The following ACRBP variants were observed in gnomAD, a reference collection of about 807,000 sequenced individuals.
ACRBP encodes the protein acrosin binding protein.
ACRBP carries 52 observed loss-of-function variants against 69.0 expected under a neutral mutation model. The ratio of observed to expected loss-of-function variants is 0.75; its 90% CI spans 0.60 to 0.95. The LOEUF (loss-of-function observed/expected upper bound fraction) is 0.95. Ranked by LOEUF, ACRBP falls within the 40% of genes least tolerant of loss-of-function variation. The probability of loss-of-function intolerance (pLI) is 0.00; values close to 1 mark genes in which losing one functional copy is unlikely to be tolerated. For synonymous variants in ACRBP, 267 were observed against 258.9 expected, an observed-to-expected ratio of 1.03 and a Z score of -0.30; for missense variants, 604 against 673.0, an observed-to-expected ratio of 0.90 and a Z score of 1.13.
At chr12:6,638,755 G>A in intron 9 of ACRBP, 199 bp downstream of exon 9, 7 of 1,436,810 alleles carry the variant, frequency 4.9e-6, no homozygotes, top group South Asian at 1.5e-5. Flanking sequence ...TTATCCACCA[G>A]CTGCCTAGGA....
At position 6,638,338 on chromosome 12, in the gene ACRBP, C is replaced by A; in HGVS notation, c.1576G>T (p.Val526Phe). ...SALSPGKSED[V>F]VLRWSQEFST... ...AACTCCTGGCTCCATCGAAGCACAA[C>A]GTCCTCACTTTTGCCAGGGCTCAGC... The change falls in exon 10 of 10, where the codon GTT becomes TTT. Residue 526 changes from valine (V) to phenylalanine (F), a missense_variant. Val to Phe is a conservative substitution (Grantham distance 50). Coordinates refer to ENST00000229243, the MANE Select transcript of ACRBP (RefSeq NM_032489.3). 1.2e-6 allele frequency: 2 copies of A among 1,614,124 alleles called. No individual in the cohort carries two copies. The highest frequency in any genetic ancestry group is 1.7e-6 in the Non-Finnish European group (2 of 1,180,034).
Position 6,638,352 on chromosome 12 carries a change from C to T in ACRBP, c.1562G>A (p.Gly521Asp), listed in dbSNP as rs1313167653. 6 of 1,613,986 alleles carry T rather than the reference C, an allele frequency of 3.7e-6. No individual in the cohort carries two copies. The highest frequency in any genetic ancestry group is 5.1e-6 in the Non-Finnish European group (6 of 1,180,040). Residue 521 changes from glycine to aspartate, a missense_variant, in exon 10 of 10, where the codon GGC becomes GAC. Gly to Asp is a moderately conservative substitution (Grantham distance 94). Coordinates refer to ENST00000229243, the MANE Select transcript of ACRBP (RefSeq NM_032489.3). ...QNETYSALSP[G>D]KSEDVVLRWS... ...TCGAAGCACAACGTCCTCACTTTTG[C>T]CAGGGCTCAGCGCACTGTAAGTCTC...
At position 6,638,428 on chromosome 12, in the gene ACRBP, G is replaced by A. The variant is rs749931586; in HGVS notation, c.1510-24C>T. 26 of 1,613,478 alleles carry A rather than the reference G, an allele frequency of 1.6e-5. No individual in the cohort carries two copies. The East Asian group carries it at 2.7e-4, about 17-fold the overall frequency. Reference sequence around the variant, plus strand: ...ACCTACACAGAGATTCAGTGCAGACGGTCTGTATCACAGAGCCAGGTGCCA... The same window carrying A: ...ACCTACACAGAGATTCAGTGCAGACAGTCTGTATCACAGAGCCAGGTGCCA... On this transcript the variant is annotated intron_variant, in intron 9 of 9. Transcript: ENST00000229243.
Position 6,646,529 on chromosome 12 carries a change from C to T in ACRBP, c.311G>A (p.Cys104Tyr). 1 of 1,613,996 alleles carries T rather than the reference C, an allele frequency of 6.2e-7. No homozygotes were observed. The highest frequency in any genetic ancestry group is 1.7e-5 in the Admixed American group (1 of 59,996). ...GGAGCAACGGTAGTGAGTGAACTGG[C>T]AGAAAGACTCAAACCAGGAGGCATA... ...LPYASWFESF[C>Y]QFTHYRCSNH... is the part of the protein sequence containing the mutation. Residue 104 changes from cysteine (C) to tyrosine (Y), a missense_variant, in exon 3 of 10, where the codon TGC becomes TAC. Physicochemically the swap from Cys to Tyr is radical, Grantham distance 194 (BLOSUM62 -2). Coordinates refer to ENST00000229243, the MANE Select transcript of ACRBP (RefSeq NM_032489.3).
At chr12:6,645,118 G>A (rs1311349646) in intron 4 of ACRBP, 102 bp downstream of exon 4, 13 of 930,472 alleles carry the variant, frequency 1.4e-5, no homozygotes, top group South Asian at 4.9e-5. Context: ...CCCCCTTCCC[G>A]CCCAACATGC....
rs766170115 is a variant in ACRBP, at chr12:6,644,168, TCTC to T, written c.910_912del (p.Glu304del). The T allele has an allele frequency of 1.2e-5, 19 of 1,603,642 alleles. No individual in the cohort carries two copies. In the South Asian group the frequency reaches 2.1e-4, roughly 18 times the overall value. On this transcript the variant is annotated inframe_deletion, in exon 5 of 10. Coordinates refer to ENST00000229243, the MANE Select transcript of ACRBP (RefSeq NM_032489.3). ...GGGTTTTGGTTTCTCCAGTAGGAGT[TCTC>T]ATCATATATTTCATTCATTTCATCT... is the stretch of plus-strand genomic sequence containing the variant.
In ACRBP at chr12:6,638,965, G is replaced by T; in HGVS notation, c.1498C>A (p.Arg500Ser). The change falls in exon 9 of 10, where the codon CGC becomes AGC. Residue 500 changes from arginine (R) to serine (S), a missense_variant. Physicochemically the swap from Arg to Ser is moderately radical, Grantham distance 110. This residue lies in a region of ACRBP where 51 missense variants were observed against 60.1 expected (regional missense o/e 0.85). Transcript: ENST00000229243. ...GCAGGGGTGCTCACCTTCCGATTGC[G>T]GTTTCTCATCAGACACTGCTGGCTT... is the stretch of plus-strand genomic sequence containing the variant. ...FKSQQCLMRNRNRKVSRMRCL... is the reference protein window; with the variant it reads ...FKSQQCLMRNSNRKVSRMRCL... 1.2e-6 allele frequency: 2 copies of T among 1,614,040 alleles called. No homozygotes were observed. The highest frequency in any genetic ancestry group is 1.7e-6 in the Non-Finnish European group (2 of 1,179,958).
In ACRBP at chr12:6,640,998, C is replaced by G. The variant is rs984228716; in HGVS notation, c.1078-476G>C. On this transcript the variant is annotated intron_variant, in intron 6 of 9. Transcript: ENST00000229243. The surrounding 1 kb of genome is among the most constrained non-coding windows in gnomAD (Gnocchi z 5.3). ...ATGCTCTCATTTCATTTAGTTTTCA[C>G]GACAACCCTATAACAGCAGAGATAC... 1.3e-5 allele frequency among the ~76,000 whole-genome samples: 2 copies of G among 152,204 alleles called. No homozygotes were observed. The highest frequency in any genetic ancestry group is 2.9e-5 in the Non-Finnish European group (2 of 68,036).
chr12:6,643,722 G>T, intron 5 of ACRBP, 51 bp from the exon 6 acceptor site: 14 of 1,600,818 alleles, frequency 8.7e-6, no homozygotes, highest in Non-Finnish European at 1.2e-5. Flanking sequence ...GCCCGGGCAG[G>T]AAACTACATC....
chr12:6,645,664 TTG>T (rs1332756778), intron 3 of ACRBP, among the ~76,000 whole-genome samples: 41 of 26,400 alleles, frequency 1.6e-3, no homozygotes, highest in Non-Finnish European at 1.5e-3. Context: ...TTTGTTTTTT[TTG>T]TTTTTTTTTT....
intron 2 of ACRBP, 95 bp from the exon 3 acceptor site, chr12:6,646,672 A>G: frequency 6.6e-7 from 1 of 1,506,528 alleles, no homozygotes; most frequent in Non-Finnish European, 9.2e-7. Flanking sequence ...GGTGGAGAGT[A>G]CGAGCTCATG....
rs373672314 is a variant in ACRBP at position 6,640,376 on chromosome 12, C to A, written c.1224G>T (p.Leu408Phe). The stretch of plus-strand genomic sequence containing the variant: ...CGATGGACAGGCTCTGGGAGGCAAG[C>A]AAGGGGCTGACAAAGGGAGTCTTGT... ...TSHKTPFVSPLLASQSLSIGN... is the reference protein window; with the variant it reads ...TSHKTPFVSPFLASQSLSIGN... Residue 408 changes from leucine (L) to phenylalanine (F), a missense_variant, in exon 7 of 10, where the codon TTG becomes TTT. Physicochemically the swap from Leu to Phe is conservative, Grantham distance 22. Transcript: ENST00000229243. The surrounding 1 kb of genome is among the most constrained non-coding windows in gnomAD (Gnocchi z 5.3). The A allele has an allele frequency of 6.8e-6, 11 of 1,614,172 alleles. No individual in the cohort carries two copies. The Admixed American group carries it at 8.3e-5, about 12-fold the overall frequency.
At chr12:6,645,630 A>G (rs1327325480) in intron 3 of ACRBP, among the ~76,000 whole-genome samples, 2 of 145,384 alleles carry the variant, frequency 1.4e-5, no homozygotes, top group East Asian at 4.0e-4. Flanking sequence ...CCTCTTCCCT[A>G]CTTCTTTTTG....
chr12:6,639,131 A>G, intron 8 of ACRBP, 94 bp from the exon 9 acceptor site: 1 of 1,208,672 alleles, frequency 8.3e-7, no homozygotes, highest in Non-Finnish European at 1.2e-6. Context: ...AGCCAGGGGC[A>G]GGGTGTGGCC....
At chr12:6,642,521 T>G (rs1340351956) in intron 6 of ACRBP, among the ~76,000 whole-genome samples, 1 of 152,184 alleles carries the variant, frequency 6.6e-6, no homozygotes, top group Non-Finnish European at 1.5e-5. Flanking sequence ...TCCAGTACCA[T>G]AAATGGGAGT....
Position 6,644,089 on chromosome 12 carries a change from A to G in ACRBP, c.944+48T>C, listed in dbSNP as rs202029415. ...AAAATGGGCTTCTCACTCCCAAGAAAGGCAGAAGGGAGGGCAGGGTGGATG... is the reference window on the plus strand; with the variant it reads ...AAAATGGGCTTCTCACTCCCAAGAAGGGCAGAAGGGAGGGCAGGGTGGATG... On this transcript the variant is annotated intron_variant, in intron 5 of 9. Transcript: ENST00000229243. 2.0e-4 allele frequency: 310 copies of G among 1,526,932 alleles called. 1 individual carries two copies. Among genetic ancestry groups the G allele is most frequent in the Admixed American group, 1.8e-3 (85 of 46,706 alleles). The allele number at this position is 1,526,932 out of a possible 1,614,324, so 94.6% of individuals were successfully genotyped here.
rs1949098261 is a variant in ACRBP, at chr12:6,647,374, G to A, written c.-8C>T. 3.3e-6 allele frequency: 5 copies of A among 1,531,084 alleles called. No homozygotes were observed. The highest frequency in any genetic ancestry group is 1.7e-4 in the Middle Eastern group (1 of 5,886). 94.8% of individuals were successfully genotyped at this position (1,531,084 alleles called of 1,614,324 possible). On this transcript the variant is annotated 5_prime_UTR_variant, in exon 1 of 10. Transcript: ENST00000229243. ...AGCGGCTGGCTTCCTCATGGCCGGA[G>A]AAGATCCGCCCGCGTCCCGTGGACA... is the stretch of plus-strand genomic sequence containing the variant.
chr12:6,647,124 C>T, intron 1 of ACRBP, 112 bp from the exon 2 acceptor site: 1 of 1,134,878 alleles, frequency 8.8e-7, no homozygotes, highest in Non-Finnish European at 1.3e-6. Context: ...GTTATCCCTG[C>T]TGACCAGGGC....
intron 6 of ACRBP, among the ~76,000 whole-genome samples, chr12:6,643,030 T>A (rs565726299): frequency 6.6e-6 from 1 of 152,028 alleles, no homozygotes; most frequent in Non-Finnish European, 1.5e-5. Context: ...GGCAGGAGGA[T>A]TGGTTGAGCC....
Sources: allele counts gnomAD v4.1 joint callset (sites outside exome capture counted in the v4.1 genomes callset), GRCh38; gene constraint gnomAD v4.1.1; regional missense constraint gnomAD v4.1.1; non-coding constraint Gnocchi (gnomAD v3.1); transcripts MANE v1.5; gene names NCBI Gene and HGNC (gene_info 2026-07-23, HGNC 2026-07-21).